Variants in PCDH9 observed in about 807,000 individuals in gnomAD.
PCDH9 encodes the protein protocadherin 9.
In PCDH9, 24 loss-of-function variants were observed where a neutral mutation model predicts 70.6. The ratio of observed to expected loss-of-function variants is 0.34; its 90% CI spans 0.25 to 0.48. The LOEUF is 0.48. Ranked by LOEUF, PCDH9 falls within the 20% of genes least tolerant of loss-of-function variation. The pLI is 0.99. For missense variants in PCDH9, 1,281 were observed against 1,503.6 expected, an observed-to-expected ratio of 0.85 and a Z score of 2.45; for synonymous variants, 562 against 558.5, an observed-to-expected ratio of 1.01 and a Z score of -0.09.
chr13:66,591,525 T>G (rs1425455976), intron 4 of PCDH9, among the ~76,000 whole-genome samples: 1 of 149,718 alleles, frequency 6.7e-6, no homozygotes, highest in Non-Finnish European at 1.5e-5. Flanking sequence ...TATCAAGTAG[T>G]GTGATTTACT....
chr13:66,514,509 G>A lies in PCDH9; in HGVS notation c.3340+116701C>T, dbSNP rs942335009. On this transcript the variant is annotated intron_variant, in intron 4 of 4. Coordinates refer to ENST00000377865, the MANE Select transcript of PCDH9 (RefSeq NM_203487.3). ...GAATTCAAAAAAAAAAAAAAAGAAA[G>A]ACATGCAAAATAGGTTGCTGAGTGT... Among the ~76,000 whole-genome samples, 652 of 144,724 alleles carry A rather than the reference G, an allele frequency of 4.5e-3. 5 individuals are homozygous for A. The highest frequency in any genetic ancestry group is 0.016 in the African/African-American group (621 of 39,686). The allele number at this position is 144,724 out of a possible 152,430, so 94.9% of individuals were successfully genotyped here.
intron 4 of PCDH9, among the ~76,000 whole-genome samples, chr13:66,391,371 A>T (rs1957014910): frequency 6.6e-6 from 1 of 152,320 alleles, no homozygotes; most frequent in Non-Finnish European, 1.5e-5. Context: ...TGTAACGAGA[A>T]GGTTTCAAAT....
chr13:66,796,542 G>A (rs960471876), intron 3 of PCDH9, among the ~76,000 whole-genome samples: 2 of 152,150 alleles, frequency 1.3e-5, no homozygotes, highest in Non-Finnish European at 2.9e-5. Flanking sequence ...TTTAGTTTGA[G>A]ATGATATTGA....
chr13:66,900,121 GT>G (rs1175147679), intron 3 of PCDH9, among the ~76,000 whole-genome samples: 1 of 151,830 alleles, frequency 6.6e-6, no homozygotes, highest in Admixed American at 6.6e-5. Context: ...AGCCTGTGAG[GT>G]TTTTTGTTTG....
chr13:66,973,042 C>T (rs2083552424), intron 2 of PCDH9, among the ~76,000 whole-genome samples: 1 of 151,930 alleles, frequency 6.6e-6, no homozygotes, highest in Non-Finnish European at 1.5e-5. Context: ...TTCCAATCAG[C>T]ACCCTGTAAA....
intron 3 of PCDH9, among the ~76,000 whole-genome samples, chr13:66,899,389 C>T (rs2082239746): frequency 6.6e-6 from 1 of 151,984 alleles, no homozygotes; most frequent in Admixed American, 6.6e-5. Flanking sequence ...ACCAATCTCC[C>T]TAACTCTTAG....
intron 4 of PCDH9, among the ~76,000 whole-genome samples, chr13:66,396,177 A>C (rs886926754): frequency 3.3e-5 from 5 of 152,208 alleles, no homozygotes; most frequent in African/African-American, 1.2e-4. Flanking sequence ...GAACTTGAGA[A>C]AAGTACACAT....
At chr13:66,607,341 T>G (rs4403934) in intron 4 of PCDH9, among the ~76,000 whole-genome samples, 20,945 of 152,030 alleles carry the variant, frequency 0.14, 1,707 homozygotes, top group Middle Eastern at 0.22. Context: ...AACTGCCTAG[T>G]ACATTGTAAG....
chr13:66,305,068 G>T (rs370825314), intron 4 of PCDH9, 40 bp from the exon 5 acceptor site: 2 of 1,518,670 alleles, frequency 1.3e-6, no homozygotes, highest in Non-Finnish European at 1.8e-6. Context: ...AAAGGAAGTG[G>T]TTAAAATTTT....
chr13:66,683,955 T>C (rs752766670), intron 3 of PCDH9, among the ~76,000 whole-genome samples: 1 of 152,212 alleles, frequency 6.6e-6, no homozygotes, highest in Non-Finnish European at 1.5e-5. Flanking sequence ...TTGTTCTGTA[T>C]AGTACTATTT....
At chr13:66,965,028 T>C (rs960756296) in intron 2 of PCDH9, among the ~76,000 whole-genome samples, 4 of 152,016 alleles carry the variant, frequency 2.6e-5, no homozygotes, top group Non-Finnish European at 5.9e-5. Flanking sequence ...CATTTCTTTT[T>C]AGAAATGAAT....
At chr13:66,625,119 A>G (rs2077481479) in intron 4 of PCDH9, among the ~76,000 whole-genome samples, 1 of 149,928 alleles carries the variant, frequency 6.7e-6, no homozygotes, top group South Asian at 2.1e-4. Context: ...AACTCTTCAT[A>G]ATCGATCACT....
intron 3 of PCDH9, among the ~76,000 whole-genome samples, chr13:66,743,398 G>A (rs1456616282): frequency 6.9e-6 from 1 of 144,594 alleles, no homozygotes; most frequent in African/African-American, 2.5e-5. Flanking sequence ...AAGGCTAGAT[G>A]ACGAGTTAGT....
At chr13:66,840,141 T>C (rs2081091485) in intron 3 of PCDH9, among the ~76,000 whole-genome samples, 1 of 152,144 alleles carries the variant, frequency 6.6e-6, no homozygotes, top group Non-Finnish European at 1.5e-5. Flanking sequence ...GGGCCCAATA[T>C]ACCCATACAA....
intron 3 of PCDH9, among the ~76,000 whole-genome samples, chr13:66,778,553 C>T (rs1175923981): frequency 2.8e-4 from 43 of 152,192 alleles, no homozygotes; most frequent in Admixed American, 2.8e-3. Flanking sequence ...CACTGAGTTA[C>T]AAGAAAAATA....
intron 3 of PCDH9, among the ~76,000 whole-genome samples, chr13:66,853,503 G>A (rs911152064): frequency 2.6e-5 from 4 of 151,986 alleles, no homozygotes; most frequent in Non-Finnish European, 4.4e-5. Context: ...CTAATCAATT[G>A]CACTAGGGAT....
rs758916461 is a variant in PCDH9, at chr13:66,780,023, C to CAT, written c.3138+123480_3138+123481insAT. 6.6e-5 allele frequency among the ~76,000 whole-genome samples: 10 copies of CAT among 151,262 alleles called. No homozygotes were observed. In the East Asian group the frequency reaches 1.9e-3, roughly 29 times the overall value. On this transcript the variant is annotated intron_variant, in intron 3 of 4. Coordinates refer to ENST00000377865, the MANE Select transcript of PCDH9 (RefSeq NM_203487.3). The stretch of plus-strand genomic sequence containing the variant: ...TATGTAGAATAATCAAGCTAGAGAT[C>CAT]TAATATACAACATGAAGATTATAGG...
At chr13:66,708,984 TC>T (rs1256848343) in intron 3 of PCDH9, among the ~76,000 whole-genome samples, 1 of 152,208 alleles carries the variant, frequency 6.6e-6, no homozygotes, top group Non-Finnish European at 1.5e-5. Context: ...ACATACCATT[TC>T]CAAGTAAGCC....
At chr13:67,021,274 T>C (rs1008061812) in intron 2 of PCDH9, among the ~76,000 whole-genome samples, 1 of 152,148 alleles carries the variant, frequency 6.6e-6, no homozygotes, top group Non-Finnish European at 1.5e-5. Context: ...AGAGATTAAG[T>C]GGAATTCTGC....
Sources: allele counts gnomAD v4.1 joint callset (sites outside exome capture counted in the v4.1 genomes callset), GRCh38; gene constraint gnomAD v4.1.1; transcripts MANE v1.5; gene names NCBI Gene and HGNC (gene_info 2026-07-23, HGNC 2026-07-21).